SPTB: variants seen among roughly 807,000 people sequenced by gnomAD.
The protein encoded by SPTB is spectrin beta chain, erythrocytic.
A neutral mutation model predicts 256.2 loss-of-function variants in SPTB; 45 were observed. That is an observed-to-expected ratio of 0.18 (90% CI 0.14 to 0.23). The LOEUF (loss-of-function observed/expected upper bound fraction) is 0.23. SPTB is among the 10% of genes least tolerant of loss of function. The pLI, the probability that SPTB is intolerant of heterozygous loss-of-function variation, is 1.00. For synonymous variants in SPTB, 1,231 were observed against 1,243.1 expected (o/e 0.99, Z 0.21); for missense variants, 2,715 against 3,040.4 (o/e 0.89, Z 2.52).
At chr14:64,871,115 T>G (rs1882506266) in intron 1 of SPTB, among the ~76,000 whole-genome samples, 1 of 152,240 alleles carries the variant, frequency 6.6e-6, no homozygotes, top group Non-Finnish European at 1.5e-5. Flanking sequence ...AATACACATA[T>G]ACAAAGAAAG....
At chr14:64,835,986 G>A (rs570673447) in intron 1 of SPTB, among the ~76,000 whole-genome samples, 1 of 152,198 alleles carries the variant, frequency 6.6e-6, no homozygotes, top group African/African-American at 2.4e-5. Flanking sequence ...CTGTGGGAGA[G>A]ACTGGTGGGG....
In SPTB at chr14:64,784,350, A is replaced by G. The variant is rs747412251; in HGVS notation, c.3899T>C (p.Val1300Ala). ...AAGGTTTCGTGCTTCATCATAGGAG[A>G]CATCCTGAGATGTCAGCAGCTTGTC... Reference protein sequence around the residue: ...INDKLLTSQDVSYDEARNLHN... With the variant: ...INDKLLTSQDASYDEARNLHN... The change falls in exon 19 of 36, where the codon GTC becomes GCC. Residue 1300 changes from valine (V) to alanine (A), a missense_variant. Around this residue, in one of 4 missense-constraint regions of SPTB, gnomAD observed 2,239 missense variants for 2,384.4 expected, o/e 0.94. Coordinates refer to ENST00000644917, the MANE Select transcript of SPTB (RefSeq NM_001355436.2). The G allele has an allele frequency of 6.2e-7, 1 of 1,614,218 alleles. No homozygotes were observed. The highest frequency in any genetic ancestry group is 8.5e-7 in the Non-Finnish European group (1 of 1,180,036).
chr14:64,839,181 A>G (rs577635622), intron 1 of SPTB, among the ~76,000 whole-genome samples: 1 of 152,330 alleles, frequency 6.6e-6, no homozygotes, highest in South Asian at 2.1e-4. Flanking sequence ...ATTTATTCTG[A>G]CTAAAAATTG....
At position 64,795,250 on chromosome 14, in the gene SPTB, G is replaced by A. The variant is rs2082744556; in HGVS notation, c.1644+87C>T. 12 of 1,490,324 alleles carry A rather than the reference G, an allele frequency of 8.1e-6. No homozygotes were observed. Among genetic ancestry groups the A allele is most frequent in the Non-Finnish European group, 1.0e-5 (11 of 1,092,764 alleles). 92.3% of individuals were successfully genotyped at this position (1,490,324 alleles called of 1,614,324 possible). On this transcript the variant is annotated intron_variant, in intron 12 of 35. Transcript: ENST00000644917. The surrounding 1 kb of genome is among the most constrained non-coding windows in gnomAD (Gnocchi z 6.5). ...TCAGAGATATGACTGGCTGGGAGGT[G>A]TCTAAGGAAGCCTATGCTAACTGCA...
rs2081977841 is a variant in SPTB, at chr14:64,753,397, G to A, written c.6602+140C>T. On this transcript the variant is annotated intron_variant, in intron 33 of 35. Coordinates refer to ENST00000644917, the MANE Select transcript of SPTB (RefSeq NM_001355436.2). ...AGTAGCCCTCGGGGCTGGCCCAGAG[G>A]GGTGTCTAGGAGCTCTCACAGGCCA... 10 of 1,274,196 alleles carry A rather than the reference G, an allele frequency of 7.8e-6. No individual in the cohort carries two copies. The South Asian group carries it at 1.2e-4, about 15-fold the overall frequency. 78.9% of individuals were successfully genotyped at this position (1,274,196 alleles called of 1,614,324 possible).
At chr14:64,834,884 TC>T (rs556383808) in intron 1 of SPTB, among the ~76,000 whole-genome samples, 2 of 152,226 alleles carry the variant, frequency 1.3e-5, no homozygotes, top group Non-Finnish European at 2.9e-5. Context: ...TTTTATAGTT[TC>T]TTTCTCGTGT....
Position 64,786,426 on chromosome 14 carries a change from G to A in SPTB, c.3539C>T (p.Ala1180Val), listed in dbSNP as rs3210340. 1 of 1,614,132 alleles carries A rather than the reference G, an allele frequency of 6.2e-7. No homozygotes were observed. The highest frequency in any genetic ancestry group is 1.6e-4 in the Middle Eastern group (1 of 6,062). The change falls in exon 16 of 36, where the codon GCT becomes GTT. Residue 1180 changes from alanine to valine, a missense_variant. Physicochemically the swap from Ala to Val is moderately conservative, Grantham distance 64 (BLOSUM62 0). Coordinates refer to ENST00000644917, the MANE Select transcript of SPTB (RefSeq NM_001355436.2). The surrounding 1 kb of genome is among the most constrained non-coding windows in gnomAD (Gnocchi z 5.6). ...TACCTGGTTGCTGAGGATGGCTTCA[G>A]CCTGCTTGGCATCTTTCTGGAACTC... is the stretch of plus-strand genomic sequence containing the variant. ...FQEFQKDAKQ[A>V]EAILSNQEYT...
chr14:64,785,855 T>C lies in SPTB; in HGVS notation c.3658A>G (p.Asn1220Asp). 6.2e-7 allele frequency: 1 copy of C among 1,614,118 alleles called. No individual in the cohort carries two copies. Among genetic ancestry groups the C allele is most frequent in the South Asian group, 1.1e-5 (1 of 91,084 alleles). ...FEDFLGSMEN[N>D]RDKVLSPVDS... ...ACAGGACTCAAGACCTTATCCCGGTTGTTCTCCATAGACCCCAAGAAATCC... is the reference window on the plus strand; with the variant it reads ...ACAGGACTCAAGACCTTATCCCGGTCGTTCTCCATAGACCCCAAGAAATCC... The change falls in exon 17 of 36, where the codon AAC becomes GAC. Residue 1220 changes from asparagine to aspartate, a missense_variant. This residue lies in a region of SPTB where 2,239 missense variants were observed against 2,384.4 expected (regional missense o/e 0.94). Transcript: ENST00000644917. This position sits in a 1 kb window ranked among gnomAD's most constrained non-coding sequence, Gnocchi z 4.4.
In SPTB at chr14:64,844,998, C is replaced by T. The variant is rs1230968794; in HGVS notation, c.-51-21853G>A. Among the ~76,000 whole-genome samples, 5 of 152,238 alleles carry T rather than the reference C, an allele frequency of 3.3e-5. No individual in the cohort carries two copies. The highest frequency in any genetic ancestry group is 1.2e-4 in the African/African-American group (5 of 41,462). ...TCAAGTCTTTGAGCTCTTGCTCTCA[C>T]TGCATACAATACTTCCTTGTTAAAG... is the stretch of plus-strand genomic sequence containing the variant. On this transcript the variant is annotated intron_variant, in intron 1 of 35. Transcript: ENST00000644917. This position sits in a 1 kb window ranked among gnomAD's most constrained non-coding sequence, Gnocchi z 4.1.
intron 33 of SPTB, among the ~76,000 whole-genome samples, chr14:64,751,506 G>A (rs544480229): frequency 3.5e-4 from 54 of 152,178 alleles, no homozygotes; most frequent in Admixed American, 2.6e-4. Flanking sequence ...TTATAATACT[G>A]GAAAATGTGC....
At position 64,803,590 on chromosome 14, in the gene SPTB, A is replaced by G. The variant is rs369421535; in HGVS notation, c.474+17T>C. The G allele has an allele frequency of 2.2e-5, 35 of 1,613,540 alleles. No homozygotes were observed. The African/African-American group carries it at 3.6e-4, about 17-fold the overall frequency. On this transcript the variant is annotated intron_variant, in intron 4 of 35. Coordinates refer to ENST00000644917, the MANE Select transcript of SPTB (RefSeq NM_001355436.2). ...CTTGAGGGCTCCCTCGACTTCCTCTACCCCCCAGGAACCCACCTGGAAGCG... is the reference window on the plus strand; with the variant it reads ...CTTGAGGGCTCCCTCGACTTCCTCTGCCCCCCAGGAACCCACCTGGAAGCG...
At position 64,793,443 on chromosome 14, in the gene SPTB, C is replaced by G. The variant is rs1485098539; in HGVS notation, c.2220G>C (p.Gln740His). Residue 740 changes from glutamine (Q) to histidine (H), a missense_variant, in exon 14 of 36, where the codon CAG becomes CAC. By Grantham distance (24) the Gln-to-His change is conservative (BLOSUM62 0). This residue lies in a region of SPTB where 2,239 missense variants were observed against 2,384.4 expected (regional missense o/e 0.94). Transcript: ENST00000644917. This position sits in a 1 kb window ranked among gnomAD's most constrained non-coding sequence, Gnocchi z 7.0. ...DLAAFCKKNL[Q>H]DAENFFQFQG... Reference sequence around the variant, plus strand: ...GGAACTGGAAAAAGTTCTCAGCATCCTGGAGGTTCTTCTTGCAGAAGGCAG... The same window carrying G: ...GGAACTGGAAAAAGTTCTCAGCATCGTGGAGGTTCTTCTTGCAGAAGGCAG... 6.2e-7 allele frequency: 1 copy of G among 1,613,938 alleles called. No individual in the cohort carries two copies. Among genetic ancestry groups the G allele is most frequent in the East Asian group, 2.2e-5 (1 of 44,898 alleles).
chr14:64,813,833 C>A (rs1381081741), intron 2 of SPTB, among the ~76,000 whole-genome samples: 1 of 152,188 alleles, frequency 6.6e-6, no homozygotes, highest in Non-Finnish European at 1.5e-5. Flanking sequence ...GCCAAGTGAG[C>A]CATACTTTAA....
Position 64,787,081 on chromosome 14 carries a change from C to T in SPTB, c.2884G>A (p.Asp962Asn). The T allele has an allele frequency of 6.2e-7, 1 of 1,613,072 alleles. No homozygotes were observed. The highest frequency in any genetic ancestry group is 8.5e-7 in the Non-Finnish European group (1 of 1,180,018). The part of the protein sequence containing the change: ...SALRVHNYCV[D>N]CEETSKWITD... ...ATCCACTTGCTGGTCTCCTCGCAAT[C>T]TACGCAGTAGTTGTGCACTCGGAGG... The change falls in exon 16 of 36, where the codon GAT becomes AAT. Residue 962 changes from aspartate (D) to asparagine (N), a missense_variant. Asp to Asn is a conservative substitution (Grantham distance 23). Around this residue, in one of 4 missense-constraint regions of SPTB, gnomAD observed 2,239 missense variants for 2,384.4 expected, o/e 0.94. Coordinates refer to ENST00000644917, the MANE Select transcript of SPTB (RefSeq NM_001355436.2).
chr14:64,789,909 C>T (rs1406995291), intron 15 of SPTB, among the ~76,000 whole-genome samples: 2 of 152,024 alleles, frequency 1.3e-5, no homozygotes, highest in Admixed American at 6.6e-5. Flanking sequence ...GGGAAAGAAC[C>T]GCAGAGGCAT....
rs1207611599 is a variant in SPTB, at chr14:64,786,431, C to T, written c.3534G>A (p.Lys1178=). Residue 1178 remains lysine, a synonymous_variant, in exon 16 of 36, where the codon AAG becomes AAA. Transcript: ENST00000644917. The surrounding 1 kb of genome is among the most constrained non-coding windows in gnomAD (Gnocchi z 5.6). ...LGFQEFQKDA[K]QAEAILSNQE... is the part of the protein sequence containing the mutation. ...GGTTGCTGAGGATGGCTTCAGCCTG[C>T]TTGGCATCTTTCTGGAACTCCTGGA... 6.2e-7 allele frequency: 1 copy of T among 1,614,140 alleles called. No individual in the cohort carries two copies. The highest frequency in any genetic ancestry group is 8.5e-7 in the Non-Finnish European group (1 of 1,180,026).
At chr14:64,821,318 G>A (rs1490200242) in intron 2 of SPTB, among the ~76,000 whole-genome samples, 1 of 152,090 alleles carries the variant, frequency 6.6e-6, no homozygotes, top group Non-Finnish European at 1.5e-5. Context: ...CATCTCTGTG[G>A]TTCCCCTCTC....
chr14:64,749,082 C>T lies in SPTB; in HGVS notation c.*224G>A, dbSNP rs1055552966. ...CAAAGGCGCCAGAGGAGCTGGGAGC[C>T]CCTGTCCCTGGAGCGGAGCCAGCGC... On this transcript the variant is annotated 3_prime_UTR_variant, in exon 36 of 36. Transcript: ENST00000644917. This position sits in a 1 kb window ranked among gnomAD's most constrained non-coding sequence, Gnocchi z 4.7. 4.0e-5 allele frequency: 19 copies of T among 478,426 alleles called. No individual in the cohort carries two copies. Among genetic ancestry groups the T allele is most frequent in the African/African-American group, 3.2e-4 (15 of 47,080 alleles). The allele number at this position is 478,426 out of a possible 1,614,324, so 29.6% of individuals were successfully genotyped here.
chr14:64,850,433 C>T (rs557109470), intron 1 of SPTB, among the ~76,000 whole-genome samples: 7 of 152,316 alleles, frequency 4.6e-5, no homozygotes, highest in South Asian at 4.1e-4. Context: ...AAAAAGCCCA[C>T]GTTTTCTGAT....
Sources: gnomAD v4.1 joint callset for allele counts (sites outside exome capture counted in the v4.1 genomes callset) on GRCh38, gnomAD v4.1.1 for gene constraint, gnomAD v4.1.1 regional missense constraint, Gnocchi (gnomAD v3.1) non-coding constraint, MANE v1.5 for transcripts, NCBI Gene and HGNC (gene_info 2026-07-23, HGNC 2026-07-21) for gene names.